The following NEK7 variants were observed in gnomAD, a reference collection of about 807,000 sequenced individuals.
NEK7 encodes serine/threonine-protein kinase Nek7.
A neutral mutation model predicts 44.6 loss-of-function variants in NEK7; 18 were observed. The ratio of observed to expected loss-of-function variants is 0.40; its 90% confidence interval spans 0.28 to 0.60. The LOEUF (loss-of-function observed/expected upper bound fraction) is 0.60. Among genes scored for constraint, NEK7 ranks in the 20% least tolerant of loss-of-function variants. The pLI is 0.38. For synonymous variants in NEK7, 130 were observed against 121.1 expected (o/e 1.07, Z -0.48); for missense variants, 256 against 366.5 (o/e 0.70, Z 2.46).
chr1:198,286,209 T>C (rs1295171679), intron 7 of NEK7, among the ~76,000 whole-genome samples: 1 of 152,202 alleles, frequency 6.6e-6, no homozygotes, highest in Non-Finnish European at 1.5e-5. Flanking sequence ...CTACATCTCT[T>C]TGAGATAGGT....
At position 198,262,260 on chromosome 1, in the gene NEK7, T is replaced by C. The variant is rs57951987; in HGVS notation, c.199-315T>C. Among the ~76,000 whole-genome samples the C allele has an allele frequency of 6.1e-3, 933 of 152,060 alleles. 10 individuals are homozygous for C. Among genetic ancestry groups the C allele is most frequent in the African/African-American group, 0.021 (890 of 41,548 alleles). On this transcript the variant is annotated intron_variant, in intron 3 of 9. Transcript: ENST00000367385. ...GTGCAGTACATTTAGCATATATTAA[T>C]TGCTCAACATATATTAGCTATTACT...
rs1233697301 is a variant in NEK7, at chr1:198,320,004, GT to G, written c.*484del. On this transcript the variant is annotated 3_prime_UTR_variant, in exon 10 of 10. Coordinates refer to ENST00000367385, the MANE Select transcript of NEK7 (RefSeq NM_133494.3). ...TTAAACGTTTGAAGTACTAGTTTTA[GT>G]TCTTAGCAGAGTAGTTTTCAAATAT... The G allele has an allele frequency of 6.6e-6, 1 of 152,216 alleles. No individual in the cohort carries two copies. Among genetic ancestry groups the G allele is most frequent in the Non-Finnish European group, 1.5e-5 (1 of 68,068 alleles). 9.4% of individuals were successfully genotyped at this position (152,216 alleles called of 1,614,324 possible). A position where few individuals can be genotyped will look rare whatever the true frequency, so the allele number is the denominator to read the frequency against.
At position 198,292,999 on chromosome 1, in the gene NEK7, T is replaced by G. The variant is rs1654605597; in HGVS notation, c.644T>G (p.Phe215Cys). ...PERIHENGYN[F>C]KSDIWSLGCL... ...AGAATACATGAAAATGGATACAACT[T>G]CAAATCTGACATCTGGTCTCTTGGC... The change falls in exon 8 of 10, where the codon TTC becomes TGC. Residue 215 changes from phenylalanine to cysteine, a missense_variant. Around this residue, in one of 3 missense-constraint regions of NEK7, gnomAD observed 102 missense variants for 205.2 expected, o/e 0.50. Transcript: ENST00000367385. 1 of 1,601,736 alleles carries G rather than the reference T, an allele frequency of 6.2e-7. No homozygotes were observed.
At chr1:198,283,937 C>G (rs1360864175) in intron 7 of NEK7, among the ~76,000 whole-genome samples, 1 of 152,138 alleles carries the variant, frequency 6.6e-6, no homozygotes, top group Non-Finnish European at 1.5e-5. Context: ...CATGCTGTTT[C>G]ATTTACTTAA....
chr1:198,283,070 C>T (rs1395282925), intron 7 of NEK7, among the ~76,000 whole-genome samples: 1 of 152,052 alleles, frequency 6.6e-6, no homozygotes, highest in East Asian at 1.9e-4. Context: ...AATAATGTCC[C>T]AGGTAGACTG....
intron 2 of NEK7, among the ~76,000 whole-genome samples, chr1:198,249,070 G>A (rs1666913895): frequency 8.1e-6 from 1 of 123,032 alleles, no homozygotes; most frequent in South Asian, 2.5e-4. Flanking sequence ...TCCCCAGAGT[G>A]TGATGTTCCC....
At chr1:198,214,015 A>G (rs1665850932) in intron 1 of NEK7, among the ~76,000 whole-genome samples, 1 of 152,182 alleles carries the variant, frequency 6.6e-6, no homozygotes, top group African/African-American at 2.4e-5. Context: ...ATCTGCTCAT[A>G]TACCCGGCAC....
chr1:198,285,411 A>G (rs768958267), intron 7 of NEK7, among the ~76,000 whole-genome samples: 3 of 152,224 alleles, frequency 2.0e-5, no homozygotes, highest in Non-Finnish European at 2.9e-5. Flanking sequence ...TTGCTTAGCA[A>G]TGAAGTATGT....
At chr1:198,289,345 G>A (rs1654477303) in intron 7 of NEK7, among the ~76,000 whole-genome samples, 1 of 143,680 alleles carries the variant, frequency 7.0e-6, no homozygotes, top group African/African-American at 2.7e-5. Flanking sequence ...GCTGTCCTAA[G>A]TAATAGTTTA....
chr1:198,267,239 T>C (rs1571589259), intron 5 of NEK7, among the ~76,000 whole-genome samples: 1 of 152,176 alleles, frequency 6.6e-6, no homozygotes, highest in East Asian at 1.9e-4. Flanking sequence ...ATTTTAAACA[T>C]ATTTACATGT....
intron 1 of NEK7, among the ~76,000 whole-genome samples, chr1:198,185,929 C>T (rs755271312): frequency 3.9e-5 from 6 of 152,110 alleles, no homozygotes; most frequent in Non-Finnish European, 7.3e-5. Context: ...CCAGTAGGCA[C>T]GTTCTGAAAT....
chr1:198,277,851 A>G, intron 5 of NEK7, 110 bp from the exon 6 acceptor site: 1 of 633,518 alleles, frequency 1.6e-6, no homozygotes, highest in East Asian at 2.7e-5. Flanking sequence ...TTTTTAGTTG[A>G]TAATGGTAGA....
rs532497433 is a variant in NEK7 at position 198,251,415 on chromosome 1, C to G, written c.58-1625C>G. On this transcript the variant is annotated intron_variant, in intron 2 of 9. Transcript: ENST00000367385. The stretch of plus-strand genomic sequence containing the variant: ...TAAAATGAGTTAGGGAGGATTCTCT[C>G]TTTTTCTGTTGATTGGAATAGTTTC... Among the ~76,000 whole-genome samples the G allele has an allele frequency of 4.6e-5, 6 of 130,028 alleles. 1 individual carries two copies. The highest frequency in any genetic ancestry group is 1.5e-4 in the African/African-American group (5 of 32,574). The allele number at this position is 130,028 out of a possible 152,430, so 85.3% of individuals were successfully genotyped here. A position where few individuals can be genotyped will look rare whatever the true frequency, so the allele number is the denominator to read the frequency against.
At chr1:198,198,249 A>G (rs887246623) in intron 1 of NEK7, 9 of 550,734 alleles carry the variant, frequency 1.6e-5, no homozygotes, top group African/African-American at 1.3e-4. Context: ...CCTCAGCTCA[A>G]TACATTTTTA....
chr1:198,228,351 G>T (rs1558066569), intron 1 of NEK7, among the ~76,000 whole-genome samples: 1 of 152,112 alleles, frequency 6.6e-6, no homozygotes, highest in Non-Finnish European at 1.5e-5. Flanking sequence ...GGCAATGCAG[G>T]CTCTTTTTTG....
At chr1:198,235,524 A>G (rs1002116424) in intron 2 of NEK7, among the ~76,000 whole-genome samples, 4 of 152,106 alleles carry the variant, frequency 2.6e-5, no homozygotes, top group Non-Finnish European at 5.9e-5. Context: ...CTTTTTAAAA[A>G]TAAAAATAAA....
At chr1:198,179,972 T>C (rs1278098930) in intron 1 of NEK7, among the ~76,000 whole-genome samples, 1 of 152,122 alleles carries the variant, frequency 6.6e-6, no homozygotes, top group Non-Finnish European at 1.5e-5. Context: ...TCTTTGGAGT[T>C]TCTTGTCTGT....
intron 8 of NEK7, among the ~76,000 whole-genome samples, chr1:198,295,549 C>A (rs148554750): frequency 7.1e-4 from 108 of 151,480 alleles, no homozygotes; most frequent in Non-Finnish European, 1.3e-3. Context: ...GGACAGTTGA[C>A]ATTTTTCATC....
chr1:198,294,302 GCTCA>G (rs1654647727), intron 8 of NEK7, among the ~76,000 whole-genome samples: 1 of 151,824 alleles, frequency 6.6e-6, no homozygotes, highest in Non-Finnish European at 1.5e-5. Flanking sequence ...AAGAAATTAC[GCTCA>G]CTGTGTTATA....
Sources: gnomAD v4.1 joint callset for allele counts (sites outside exome capture counted in the v4.1 genomes callset) on GRCh38, gnomAD v4.1.1 for gene constraint, gnomAD v4.1.1 regional missense constraint, MANE v1.5 for transcripts, NCBI Gene and HGNC (gene_info 2026-07-23, HGNC 2026-07-21) for gene names.